Variants in CD276 observed in about 807,000 individuals in gnomAD.
CD276 encodes the protein CD276 molecule.
A neutral mutation model predicts 50.0 loss-of-function variants in CD276; 34 were observed. The ratio of observed to expected loss-of-function variants is 0.68; its 90% CI spans 0.52 to 0.91. The LOEUF (loss-of-function observed/expected upper bound fraction) is 0.91. CD276 is among the 40% of genes least tolerant of loss of function. The pLI is 0.00. For missense variants in CD276, 634 were observed against 717.5 expected (o/e 0.88, Z 1.33); for synonymous variants, 275 against 313.0 (o/e 0.88, Z 1.28).
chr15:73,688,863 T>A (rs182886931), intron 1 of CD276, among the ~76,000 whole-genome samples: 5 of 152,200 alleles, frequency 3.3e-5, no homozygotes, highest in Admixed American at 3.3e-4. Flanking sequence ...CCAAAGGAAT[T>A]TGGAGGCAAG....
Position 73,703,071 on chromosome 15 carries a change from C to G in CD276, c.718C>G (p.Gln240Glu), listed in dbSNP as rs776406804. 3 of 1,602,818 alleles carry G rather than the reference C, an allele frequency of 1.9e-6. No homozygotes were observed. Among genetic ancestry groups the G allele is most frequent in the Non-Finnish European group, 2.6e-6 (3 of 1,173,642 alleles). The change falls in exon 4 of 10, where the codon CAG becomes GAG. Residue 240 changes from glutamine (Q) to glutamate (E), a missense_variant. Physicochemically the swap from Gln to Glu is conservative, Grantham distance 29. Transcript: ENST00000318443. ...DAHSSVTITP[Q>E]RSPTGAVEVQ... is the part of the protein sequence containing the mutation. ...GCACAGCTCTGTCACCATCACACCC[C>G]AGAGAAGCCCCACAGGTTGCTTTGC...
chr15:73,694,115 A>G (rs1431791109), intron 1 of CD276, among the ~76,000 whole-genome samples: 1 of 152,158 alleles, frequency 6.6e-6, no homozygotes, highest in Non-Finnish European at 1.5e-5. Flanking sequence ...TGGATGATCC[A>G]TAGTCGAGCT....
intron 2 of CD276, among the ~76,000 whole-genome samples, chr15:73,701,534 T>C (rs922701797): frequency 6.6e-6 from 1 of 152,204 alleles, no homozygotes; most frequent in Non-Finnish European, 1.5e-5. Flanking sequence ...CTCCCCGATA[T>C]TTTCACACAG....
At chr15:73,695,743 C>T (rs1900150339) in intron 1 of CD276, among the ~76,000 whole-genome samples, 1 of 152,256 alleles carries the variant, frequency 6.6e-6, no homozygotes, top group African/African-American at 2.4e-5. Context: ...TCTAGGTCTG[C>T]AGCTTGCTTC....
At chr15:73,699,501 C>T in intron 1 of CD276, 85 bp from the exon 2 acceptor site, 4 of 1,509,544 alleles carry the variant, frequency 2.6e-6, no homozygotes, top group Non-Finnish European at 3.5e-6. Flanking sequence ...TGCAGCCTTC[C>T]CCACTCTGGT....
At chr15:73,705,481 CCTT>C (rs1900614318) in intron 6 of CD276, among the ~76,000 whole-genome samples, 1 of 151,992 alleles carries the variant, frequency 6.6e-6, no homozygotes, top group African/African-American at 2.4e-5. Context: ...GCTCACTCCT[CCTT>C]CTCTCTTACG....
intron 1 of CD276, among the ~76,000 whole-genome samples, chr15:73,689,219 TGTG>T (rs1476711648): frequency 6.6e-6 from 1 of 152,004 alleles, no homozygotes; most frequent in African/African-American, 2.4e-5. Context: ...TGTGTGTGTG[TGTG>T]TGTGTGTACA....
intron 9 of CD276, 101 bp from the exon 10 acceptor site, chr15:73,712,833 T>A (rs534042767): frequency 5.7e-6 from 7 of 1,233,132 alleles, no homozygotes; most frequent in Non-Finnish European, 8.2e-6. Flanking sequence ...CCACTTGAAG[T>A]CTGACCAGGT....
chr15:73,699,713 TCACA>T lies in CD276; in HGVS notation c.75_78del (p.Thr26GlufsTer43). On this transcript the variant is annotated frameshift_variant and splice_region_variant, in exon 2 of 10. Coordinates refer to ENST00000318443, the MANE Select transcript of CD276 (RefSeq NM_001024736.2). LOFTEE classifies it high-confidence loss of function. ...GCCCTGGGAGCACTGTGGTTCTGCC[TCACA>T]GGTGAGGGTAGCAGCATGGGGACGG... is the stretch of plus-strand genomic sequence containing the variant. 1 of 1,603,320 alleles carries T rather than the reference TCACA, an allele frequency of 6.2e-7. No individual in the cohort carries two copies. Among genetic ancestry groups the T allele is most frequent in the East Asian group, 2.2e-5 (1 of 44,470 alleles).
Position 73,702,888 on chromosome 15 carries a change from C to G in CD276, c.535C>G (p.Gln179Glu). The change falls in exon 4 of 10, where the codon CAG becomes GAG. Residue 179 changes from glutamine to glutamate, a missense_variant. Gln to Glu is a conservative substitution (Grantham distance 29). Coordinates refer to ENST00000318443, the MANE Select transcript of CD276 (RefSeq NM_001024736.2). Reference sequence around the variant, plus strand: ...CTACCCTGAGGCTGAGGTGTTCTGGCAGGATGGGCAGGGTGTGCCCCTGAC... The same window carrying G: ...CTACCCTGAGGCTGAGGTGTTCTGGGAGGATGGGCAGGGTGTGCCCCTGAC... ...QGYPEAEVFW[Q>E]DGQGVPLTGN... 1 of 1,614,120 alleles carries G rather than the reference C, an allele frequency of 6.2e-7. No homozygotes were observed. The highest frequency in any genetic ancestry group is 8.5e-7 in the Non-Finnish European group (1 of 1,180,042).
intron 6 of CD276, among the ~76,000 whole-genome samples, chr15:73,707,679 A>C (rs928974732): frequency 6.6e-6 from 1 of 152,030 alleles, no homozygotes; most frequent in Non-Finnish European, 1.5e-5. Flanking sequence ...GCCTTCCCCC[A>C]TCTTTTTTTG....
At chr15:73,703,467 A>G (rs1217140153) in intron 4 of CD276, among the ~76,000 whole-genome samples, 192 bp from the exon 5 acceptor site, 1 of 152,084 alleles carries the variant, frequency 6.6e-6, no homozygotes, top group African/African-American at 2.4e-5. Flanking sequence ...ACCTGCTGTG[A>G]TTGTTCTCAG....
rs776781918 is a variant in CD276 at position 73,704,243 on chromosome 15, C to A, written c.1140C>A (p.Thr380=). The A allele has an allele frequency of 4.3e-6, 7 of 1,614,184 alleles. No individual in the cohort carries two copies. The change falls in exon 6 of 10, where the codon ACC becomes ACA. Residue 380 remains threonine (T), a synonymous_variant. Transcript: ENST00000318443. This position sits in a 1 kb window ranked among gnomAD's most constrained non-coding sequence, Gnocchi z 4.1. Reference sequence around the variant, plus strand: ...ACCTGCGGCCAGGGGACACGGTGACCATCACGTGCTCCAGCTACCGGGGCT... The same window carrying A: ...ACCTGCGGCCAGGGGACACGGTGACAATCACGTGCTCCAGCTACCGGGGCT... ...NKDLRPGDTV[T]ITCSSYRGYP... is the part of the protein sequence containing the mutation.
At chr15:73,709,825 C>A in intron 8 of CD276, 136 bp downstream of exon 8, 1 of 788,452 alleles carries the variant, frequency 1.3e-6, no homozygotes, top group East Asian at 2.8e-5. Context: ...CAGACCTCCC[C>A]ACCCCGGTGA....
At chr15:73,699,111 G>A (rs1900279818) in intron 1 of CD276, among the ~76,000 whole-genome samples, 1 of 152,162 alleles carries the variant, frequency 6.6e-6, no homozygotes, top group East Asian at 1.9e-4. Context: ...ATGAAGCTCA[G>A]CTCTGACCGT....
intron 8 of CD276, among the ~76,000 whole-genome samples, chr15:73,710,364 A>G (rs148462445): frequency 3.3e-4 from 50 of 152,320 alleles, no homozygotes; most frequent in African/African-American, 1.1e-3. Flanking sequence ...GCTGTTTTGA[A>G]GCTCTTTCAG....
At chr15:73,692,767 T>C (rs1900034223) in intron 1 of CD276, among the ~76,000 whole-genome samples, 1 of 152,194 alleles carries the variant, frequency 6.6e-6, no homozygotes, top group Admixed American at 6.5e-5. Flanking sequence ...GAATAAGCAT[T>C]TGTTGAATGA....
intron 9 of CD276, chr15:73,711,418 T>G (rs11072435): frequency 0.028 from 13,614 of 494,336 alleles, 227 homozygotes; most frequent in East Asian, 0.056. Context: ...TGTGATAGTG[T>G]GAGCATAGGT....
At chr15:73,686,939 G>A (rs1899794034) in intron 1 of CD276, among the ~76,000 whole-genome samples, 1 of 152,176 alleles carries the variant, frequency 6.6e-6, no homozygotes, top group South Asian at 2.1e-4. Flanking sequence ...TCCTCTGAGT[G>A]GGTGGCGACT....
Sources: gnomAD v4.1 joint callset for allele counts (sites outside exome capture counted in the v4.1 genomes callset) on GRCh38, gnomAD v4.1.1 for gene constraint, Gnocchi (gnomAD v3.1) non-coding constraint, MANE v1.5 for transcripts, NCBI Gene and HGNC (gene_info 2026-07-23, HGNC 2026-07-21) for gene names.